Variants in C9 observed in about 807,000 individuals in gnomAD.
C9 encodes complement component C9.
C9 carries 63 observed loss-of-function variants against 65.4 expected under a neutral mutation model. The observed-to-expected ratio is 0.96, with a 90% CI of 0.79 to 1.19. C9 has a LOEUF of 1.19. Ranked by LOEUF, C9 falls within the 50% of genes most tolerant of loss-of-function variation. The pLI, the probability that C9 is intolerant of heterozygous loss-of-function variation, is 0.00. For missense variants in C9, 744 were observed against 670.1 expected (o/e 1.11, Z -1.22); for synonymous variants, 229 against 227.9 (o/e 1.00, Z -0.04).
intron 9 of C9, among the ~76,000 whole-genome samples, chr5:39,297,946 G>A (rs999865999): frequency 6.6e-6 from 1 of 151,536 alleles, no homozygotes; most frequent in East Asian, 1.9e-4. Flanking sequence ...TCAATATATT[G>A]AGAATAATGA....
chr5:39,347,575 C>T (rs1053144799), intron 1 of C9, among the ~76,000 whole-genome samples: 19 of 152,082 alleles, frequency 1.2e-4, no homozygotes, highest in African/African-American at 3.9e-4. Context: ...GAATCAATAT[C>T]GTGAAAATGG....
At chr5:39,350,013 CT>C (rs1754292809) in intron 1 of C9, among the ~76,000 whole-genome samples, 1 of 152,142 alleles carries the variant, frequency 6.6e-6, no homozygotes, top group Non-Finnish European at 1.5e-5. Context: ...CTATAAAGGA[CT>C]ACCTGAGACA....
At chr5:39,288,171 G>A (rs1753025747) in intron 10 of C9, among the ~76,000 whole-genome samples, 1 of 151,598 alleles carries the variant, frequency 6.6e-6, no homozygotes, top group Admixed American at 6.6e-5. Flanking sequence ...TTTAGTACAA[G>A]CACAAAAATA....
At position 39,341,664 on chromosome 5, in the gene C9, T is replaced by G; in HGVS notation, c.220A>C (p.Asn74His). ...ACAGCGTCGGTGCATCTTTTCCCAT[T>G]AAATTGTCCAAAGACCTCAATGCTT... ...SRSIEVFGQF[N>H]GKRCTDAVGD... is the part of the protein sequence containing the mutation. The change falls in exon 3 of 11, where the codon AAT becomes CAT. Residue 74 changes from asparagine to histidine, a missense_variant. Asn to His is a moderately conservative substitution (Grantham distance 68). Coordinates refer to ENST00000263408, the MANE Select transcript of C9 (RefSeq NM_001737.5). 1.9e-6 allele frequency: 3 copies of G among 1,614,034 alleles called. No individual in the cohort carries two copies. Among genetic ancestry groups the G allele is most frequent in the Non-Finnish European group, 2.5e-6 (3 of 1,179,872 alleles).
At chr5:39,351,643 A>T (rs534935020) in intron 1 of C9, among the ~76,000 whole-genome samples, 1 of 152,300 alleles carries the variant, frequency 6.6e-6, no homozygotes, top group African/African-American at 2.4e-5. Context: ...CAATACCACC[A>T]GTCTCTTTGA....
chr5:39,348,493 A>G (rs1413564462), intron 1 of C9, among the ~76,000 whole-genome samples: 1 of 152,216 alleles, frequency 6.6e-6, no homozygotes, highest in Non-Finnish European at 1.5e-5. Flanking sequence ...ACCAGTTAGA[A>G]TGGCAATCAT....
chr5:39,330,163 TC>T (rs1457648642), intron 5 of C9, among the ~76,000 whole-genome samples: 1 of 151,554 alleles, frequency 6.6e-6, no homozygotes, highest in Non-Finnish European at 1.5e-5. Flanking sequence ...TCTATAGTCT[TC>T]ATTTTTCCCA....
chr5:39,288,326 G>C (rs1381195266), intron 10 of C9, among the ~76,000 whole-genome samples: 1 of 151,342 alleles, frequency 6.6e-6, no homozygotes, highest in Admixed American at 6.6e-5. Context: ...CTTAAAAAAG[G>C]GTTTTAAAGT....
At chr5:39,314,804 T>C (rs1753543733) in intron 6 of C9, among the ~76,000 whole-genome samples, 1 of 152,212 alleles carries the variant, frequency 6.6e-6, no homozygotes, top group African/African-American at 2.4e-5. Flanking sequence ...CCTGCTTTCC[T>C]TCATGTTACT....
chr5:39,312,371 T>G (rs528395464), intron 6 of C9, among the ~76,000 whole-genome samples: 1 of 152,332 alleles, frequency 6.6e-6, no homozygotes, highest in Admixed American at 6.5e-5. Flanking sequence ...AAGCCCAATC[T>G]TGCTATTATG....
Position 39,341,653 on chromosome 5 carries a change from TC to T in C9, c.230del (p.Arg77AsnfsTer37). 1.2e-6 allele frequency: 2 copies of T among 1,614,016 alleles called. No homozygotes were observed. The highest frequency in any genetic ancestry group is 1.7e-6 in the Non-Finnish European group (2 of 1,179,860). On this transcript the variant is annotated frameshift_variant, in exon 3 of 11. Coordinates refer to ENST00000263408, the MANE Select transcript of C9 (RefSeq NM_001737.5). LOFTEE classifies it high-confidence loss of function. ...IEVFGQFNGK[R>X]CTDAVGDRRQ... ...GTCTGTCTCCCACAGCGTCGGTGCA[TC>T]TTTTCCCATTAAATTGTCCAAAGAC...
rs570928710 is a variant in C9 at position 39,294,712 on chromosome 5, T to C, written c.1417-5761A>G. Among the ~76,000 whole-genome samples, 36 of 151,894 alleles carry C rather than the reference T, an allele frequency of 2.4e-4. 2 individuals carry two copies. The East Asian group carries it at 2.7e-3, about 11-fold the overall frequency. ...TGAAGGGAACTCTTCCTAACTCATT[T>C]TATGAGACCAGCATAACCCTGATAT... On this transcript the variant is annotated intron_variant, in intron 9 of 10. Coordinates refer to ENST00000263408, the MANE Select transcript of C9 (RefSeq NM_001737.5).
chr5:39,349,729 A>G (rs1354783340), intron 1 of C9, among the ~76,000 whole-genome samples: 1 of 152,056 alleles, frequency 6.6e-6, no homozygotes, highest in Admixed American at 6.5e-5. Context: ...TGACTGCTTC[A>G]TGGCATTCAA....
Position 39,341,203 on chromosome 5 carries a change from G to T in C9, c.419C>A (p.Pro140His). The change falls in exon 4 of 11, where the codon CCC becomes CAC. Residue 140 changes from proline to histidine, a missense_variant. By Grantham distance (77) the Pro-to-His change is moderately conservative (BLOSUM62 -2). Transcript: ENST00000263408. ...TTCTACCACTCTGTCTCTGCAGGGGGGACGGGGCTCACTTTCACAATCATC... is the reference window on the plus strand; with the variant it reads ...TTCTACCACTCTGTCTCTGCAGGGGTGACGGGGCTCACTTTCACAATCATC... ...DEDDCESEPR[P>H]PCRDRVVEES... 1 of 1,614,116 alleles carries T rather than the reference G, an allele frequency of 6.2e-7. No individual in the cohort carries two copies. The highest frequency in any genetic ancestry group is 8.5e-7 in the Non-Finnish European group (1 of 1,180,006).
At chr5:39,310,704 TAAAAG>T (rs1031884247) in intron 7 of C9, among the ~76,000 whole-genome samples, 73 of 152,308 alleles carry the variant, frequency 4.8e-4, no homozygotes, top group African/African-American at 1.7e-3. Flanking sequence ...CTTTTCCCTC[TAAAAG>T]AAAATTTAGA....
chr5:39,323,212 AT>A (rs1050352872), intron 5 of C9, among the ~76,000 whole-genome samples: 2 of 152,068 alleles, frequency 1.3e-5, no homozygotes, highest in African/African-American at 4.8e-5. Flanking sequence ...ATCTGAAGGC[AT>A]CAGTGATGAA....
chr5:39,333,229 C>T (rs1271824957), intron 4 of C9, among the ~76,000 whole-genome samples: 2 of 152,114 alleles, frequency 1.3e-5, no homozygotes, highest in African/African-American at 4.8e-5. Flanking sequence ...TCTGCATGTA[C>T]ACCCTTGCCA....
At position 39,348,529 on chromosome 5, in the gene C9, T is replaced by C. The variant is rs546124665; in HGVS notation, c.78-6333A>G. On this transcript the variant is annotated intron_variant, in intron 1 of 10. Coordinates refer to ENST00000263408, the MANE Select transcript of C9 (RefSeq NM_001737.5). ...TAAAAAGTCAGGAAACAACTGGTGC[T>C]GGAGAGGATGTGGAGAAATAGGAAC... Among the ~76,000 whole-genome samples, 134 of 152,278 alleles carry C rather than the reference T, an allele frequency of 8.8e-4. 4 individuals carry two copies. In the South Asian group the frequency reaches 0.026, roughly 29 times the overall value.
intron 6 of C9, 145 bp from the exon 7 acceptor site, chr5:39,311,522 A>G: frequency 1.4e-6 from 1 of 716,330 alleles, no homozygotes; most frequent in Non-Finnish European, 2.4e-6. Context: ...GAAGGGCTAA[A>G]TGTAAAATAC....
Sources: gnomAD v4.1 joint callset for allele counts (sites outside exome capture counted in the v4.1 genomes callset) on GRCh38, gnomAD v4.1.1 for gene constraint, MANE v1.5 for transcripts, NCBI Gene and HGNC (gene_info 2026-07-23, HGNC 2026-07-21) for gene names.